CSMD1: variants seen among roughly 807,000 people sequenced by gnomAD.
The protein encoded by CSMD1 is CUB and Sushi multiple domains 1, also known as CUB and sushi domain-containing protein 1.
CSMD1 carries 213 observed loss-of-function variants against 417.5 expected under a neutral mutation model. The observed-to-expected ratio is 0.51, with a 90% CI of 0.46 to 0.57. CSMD1 has a LOEUF of 0.57. Ranked by LOEUF, CSMD1 falls within the 20% of genes least tolerant of loss-of-function variation. The pLI is 0.00. For missense variants in CSMD1, 6,923 were observed against 4,529.7 expected (o/e 1.53, Z -15.17); for synonymous variants, 2,862 against 1,736.8 (o/e 1.65, Z -16.11).
At chr8:3,542,521 C>G (rs77528826) in intron 10 of CSMD1, among the ~76,000 whole-genome samples, 6,003 of 152,222 alleles carry the variant, frequency 0.039, 348 homozygotes, top group African/African-American at 0.12. Flanking sequence ...CATCCTGTGT[C>G]AGATGCTGGC....
At chr8:3,744,918 G>A (rs1459499540) in intron 6 of CSMD1, among the ~76,000 whole-genome samples, 1 of 152,192 alleles carries the variant, frequency 6.6e-6, no homozygotes, top group Non-Finnish European at 1.5e-5. Context: ...GAGTGGGCCT[G>A]AAGCAGACTG....
At chr8:3,830,491 T>C (rs945209968) in intron 5 of CSMD1, among the ~76,000 whole-genome samples, 1 of 152,220 alleles carries the variant, frequency 6.6e-6, no homozygotes, top group Non-Finnish European at 1.5e-5. Flanking sequence ...TCTGTGCAAC[T>C]GAGAATCATG....
intron 1 of CSMD1, among the ~76,000 whole-genome samples, chr8:4,840,004 T>C (rs1800742864): frequency 1.3e-5 from 2 of 152,196 alleles, no homozygotes; most frequent in Admixed American, 1.3e-4. Context: ...TACAGGTGCT[T>C]TTTGTCCTGC....
chr8:3,868,488 A>G (rs904976510), intron 5 of CSMD1, among the ~76,000 whole-genome samples: 7 of 152,034 alleles, frequency 4.6e-5, no homozygotes, highest in African/African-American at 1.7e-4. Context: ...TCTCTCATTC[A>G]ACAGACACAA....
intron 2 of CSMD1, among the ~76,000 whole-genome samples, chr8:4,628,576 C>A (rs1040290532): frequency 2.0e-5 from 3 of 148,788 alleles, no homozygotes; most frequent in African/African-American, 7.4e-5. Context: ...GTAAGAATTT[C>A]AAGGACAGAG....
At chr8:3,366,957 CCCACA>C in intron 20 of CSMD1, 70 bp downstream of exon 20, 1 of 1,132,378 alleles carries the variant, frequency 8.8e-7, no homozygotes, top group South Asian at 1.3e-5. Flanking sequence ...CACACACACA[CCCACA>C]CACATTCTCA....
At chr8:3,888,614 T>G (rs1212622974) in intron 5 of CSMD1, among the ~76,000 whole-genome samples, 1 of 152,088 alleles carries the variant, frequency 6.6e-6, no homozygotes, top group Non-Finnish European at 1.5e-5. Flanking sequence ...AACAAGATCT[T>G]TGTCATACAA....
chr8:4,330,145 G>C lies in CSMD1; in HGVS notation c.415+89808C>G, dbSNP rs141230253. Among the ~76,000 whole-genome samples, 528 of 151,798 alleles carry C rather than the reference G, an allele frequency of 3.5e-3. 1 individual carries two copies. The highest frequency in any genetic ancestry group is 0.013 in the South Asian group (63 of 4,816). On this transcript the variant is annotated intron_variant, in intron 3 of 69. Coordinates refer to ENST00000635120, the MANE Select transcript of CSMD1 (RefSeq NM_033225.6). The stretch of plus-strand genomic sequence containing the variant: ...TACATTTAAGACTTCACAATGAGTA[G>C]TATCCCAACAAATATACAACAGGAA...
intron 12 of CSMD1, among the ~76,000 whole-genome samples, chr8:3,441,195 G>A (rs570691558): frequency 2.6e-5 from 4 of 152,066 alleles, no homozygotes; most frequent in South Asian, 2.1e-4. Context: ...TTCTCTCCCC[G>A]GGAGATCTGG....
intron 2 of CSMD1, among the ~76,000 whole-genome samples, chr8:4,504,561 C>T (rs1470419771): frequency 6.6e-6 from 1 of 152,070 alleles, no homozygotes. Flanking sequence ...GTTTGCTGCA[C>T]CTATCAACCC....
intron 3 of CSMD1, among the ~76,000 whole-genome samples, chr8:4,361,966 A>G (rs1257695347): frequency 6.8e-6 from 1 of 147,936 alleles, no homozygotes; most frequent in East Asian, 2.0e-4. Context: ...CTCCATCTCA[A>G]AATAAATAAA....
chr8:3,442,400 G>C lies in CSMD1; in HGVS notation c.1561+26312C>G, dbSNP rs1193169714. On this transcript the variant is annotated intron_variant, in intron 12 of 69. Transcript: ENST00000635120. ...CCCAGAACAACTTCCCATCCTGCAA[G>C]CTCTATTCATGGTAAGTACCTTATA... Among the ~76,000 whole-genome samples, 3 of 152,208 alleles carry C rather than the reference G, an allele frequency of 2.0e-5. No individual in the cohort carries two copies. In the Middle Eastern group the frequency reaches 0.01, roughly 518 times the overall value.
chr8:4,561,200 T>A (rs1432039415), intron 2 of CSMD1, among the ~76,000 whole-genome samples: 1 of 152,036 alleles, frequency 6.6e-6, no homozygotes, highest in African/African-American at 2.4e-5. Context: ...TGAAACCCCA[T>A]CTCTGCTAAA....
intron 3 of CSMD1, among the ~76,000 whole-genome samples, chr8:4,091,480 A>G (rs572245782): frequency 2.6e-5 from 4 of 152,320 alleles, no homozygotes; most frequent in African/African-American, 9.6e-5. Context: ...AGGGATTTTT[A>G]AAAGTATTTA....
chr8:4,496,989 T>A (rs1433559413), intron 2 of CSMD1, among the ~76,000 whole-genome samples: 1 of 152,068 alleles, frequency 6.6e-6, no homozygotes, highest in Non-Finnish European at 1.5e-5. Flanking sequence ...AGGGAGACAA[T>A]AAGGCTTGAA....
chr8:4,771,900 G>A (rs1429181527), intron 1 of CSMD1, among the ~76,000 whole-genome samples: 3 of 152,180 alleles, frequency 2.0e-5, no homozygotes, highest in East Asian at 1.9e-4. Context: ...GGAGCCTCCA[G>A]AATCTGCCCC....
At chr8:4,443,810 C>T (rs1241374497) in intron 2 of CSMD1, among the ~76,000 whole-genome samples, 1 of 152,130 alleles carries the variant, frequency 6.6e-6, no homozygotes, top group Admixed American at 6.6e-5. Context: ...CAGAAAATCC[C>T]TTATATGGTG....
intron 1 of CSMD1, among the ~76,000 whole-genome samples, chr8:4,898,536 C>A (rs939935586): frequency 6.6e-6 from 1 of 152,200 alleles, no homozygotes; most frequent in Non-Finnish European, 1.5e-5. Flanking sequence ...GGTCTTTATG[C>A]CTCTGTTCTT....
chr8:3,451,866 G>C (rs1040612572), intron 12 of CSMD1, among the ~76,000 whole-genome samples: 5 of 152,156 alleles, frequency 3.3e-5, no homozygotes, highest in Non-Finnish European at 7.3e-5. Context: ...GTCATTGGTA[G>C]CTTGATGGGG....
Sources: allele counts gnomAD v4.1 joint callset (sites outside exome capture counted in the v4.1 genomes callset), GRCh38; gene constraint gnomAD v4.1.1; transcripts MANE v1.5; gene names NCBI Gene and HGNC (gene_info 2026-07-23, HGNC 2026-07-21).